KALRN: variants seen among roughly 807,000 people sequenced by gnomAD.
KALRN encodes kalirin RhoGEF kinase, also known as kalirin.
A neutral mutation model predicts 353.7 loss-of-function variants in KALRN; 70 were observed. That is an observed-to-expected ratio of 0.20 (90% confidence interval 0.16 to 0.24). KALRN has a LOEUF of 0.24. Among genes scored for constraint, KALRN ranks in the 10% least tolerant of loss-of-function variants. The pLI, the probability that KALRN is intolerant of heterozygous loss-of-function variation, is 1.00. For synonymous variants in KALRN, 1,391 were observed against 1,434.8 expected, an observed-to-expected ratio of 0.97 and a Z score of 0.69; for missense variants, 2,791 against 3,756.7, an observed-to-expected ratio of 0.74 and a Z score of 6.72.
intron 14 of KALRN, among the ~76,000 whole-genome samples, chr3:124,416,475 C>T (rs1055352616): frequency 2.6e-5 from 4 of 152,264 alleles, no homozygotes; most frequent in African/African-American, 9.6e-5. Flanking sequence ...TCTTCAGTGC[C>T]TCTTACTGAG....
chr3:124,683,762 T>C (rs1479712489), intron 51 of KALRN, among the ~76,000 whole-genome samples: 3 of 152,136 alleles, frequency 2.0e-5, no homozygotes, highest in Non-Finnish European at 2.9e-5. Context: ...ACCAGATATT[T>C]AGCTTGGGGA....
At chr3:124,501,890 A>G (rs1489471249) in intron 33 of KALRN, among the ~76,000 whole-genome samples, 2 of 152,256 alleles carry the variant, frequency 1.3e-5, no homozygotes, top group East Asian at 1.9e-4. Context: ...ATTCTGGTAC[A>G]TAGAAAACCA....
At chr3:124,182,145 TAG>T (rs1159920598) in intron 1 of KALRN, among the ~76,000 whole-genome samples, 1 of 152,196 alleles carries the variant, frequency 6.6e-6, no homozygotes, top group African/African-American at 2.4e-5. Flanking sequence ...ATTTGGAGGT[TAG>T]AGAGAGGACT....
chr3:124,238,590 C>G (rs1170805936), intron 3 of KALRN, among the ~76,000 whole-genome samples: 3 of 152,176 alleles, frequency 2.0e-5, no homozygotes, highest in Non-Finnish European at 2.9e-5. Flanking sequence ...GTATTACCAC[C>G]CCCACCAATA....
At chr3:124,040,731 A>G (rs1250547516) in intron 1 of KALRN, among the ~76,000 whole-genome samples, 1 of 152,164 alleles carries the variant, frequency 6.6e-6, no homozygotes, top group Non-Finnish European at 1.5e-5. Flanking sequence ...GAGAGTATTA[A>G]GTAGGAAAAA....
rs187806001 is a variant in KALRN, at chr3:124,678,330, G to T, written c.7317+17G>T. On this transcript the variant is annotated intron_variant, in intron 50 of 59. Coordinates refer to ENST00000682506, the MANE Select transcript of KALRN (RefSeq NM_001388419.1). The stretch of plus-strand genomic sequence containing the variant: ...TCTGTTAAAGTGAGTAAGGTATTCC[G>T]GAGCTGCGTCCCCACCTGTCATCCA... The T allele has an allele frequency of 1.6e-5, 26 of 1,612,274 alleles. No individual in the cohort carries two copies. The highest frequency in any genetic ancestry group is 1.3e-4 in the African/African-American group (10 of 74,846).
chr3:124,530,747 C>T (rs1577754155), intron 33 of KALRN, among the ~76,000 whole-genome samples: 1 of 152,208 alleles, frequency 6.6e-6, no homozygotes, highest in East Asian at 1.9e-4. Flanking sequence ...GCTATAATTG[C>T]ATTCAGTTTG....
intron 34 of KALRN, among the ~76,000 whole-genome samples, chr3:124,611,332 T>G (rs2077943709): frequency 6.6e-6 from 1 of 152,136 alleles, no homozygotes. Flanking sequence ...CAGAAAGAAT[T>G]AAGTTGAGAT....
At chr3:124,590,257 G>T (rs563746957) in intron 34 of KALRN, among the ~76,000 whole-genome samples, 13 of 152,278 alleles carry the variant, frequency 8.5e-5, no homozygotes, top group African/African-American at 2.9e-4. Flanking sequence ...TGGTAGAAAT[G>T]GGGGTGTATG....
chr3:124,241,399 C>T (rs16835220), intron 3 of KALRN, among the ~76,000 whole-genome samples: 18,981 of 152,056 alleles, frequency 0.12, 1,879 homozygotes, highest in African/African-American at 0.27. Context: ...AAGGTTTTGA[C>T]TCTGAGAACT....
At chr3:124,340,404 T>A (rs58377789) in intron 9 of KALRN, among the ~76,000 whole-genome samples, 40,563 of 151,798 alleles carry the variant, frequency 0.27, 5,939 homozygotes, top group Middle Eastern at 0.34. Context: ...GTGCCTGTGG[T>A]CCTAGCTATT....
intron 6 of KALRN, among the ~76,000 whole-genome samples, chr3:124,317,533 C>T (rs1051345287): frequency 2.0e-5 from 3 of 152,190 alleles, no homozygotes; most frequent in Admixed American, 1.3e-4. Flanking sequence ...TTCGGGGAAG[C>T]TCCTCAGCTC....
intron 3 of KALRN, among the ~76,000 whole-genome samples, chr3:124,241,112 C>T (rs1241509216): frequency 6.6e-6 from 1 of 152,160 alleles, no homozygotes; most frequent in Non-Finnish European, 1.5e-5. Context: ...CACCTCTATC[C>T]TCAATGCTAC....
At chr3:124,300,878 G>A (rs1395099250) in intron 6 of KALRN, among the ~76,000 whole-genome samples, 1 of 152,154 alleles carries the variant, frequency 6.6e-6, no homozygotes, top group African/African-American at 2.4e-5. Context: ...CTTCCCACTG[G>A]TCTCCTGTAG....
At position 124,415,753 on chromosome 3, in the gene KALRN, C is replaced by T. The variant is rs144386758; in HGVS notation, c.2542+2088C>T. 2.5e-4 allele frequency among the ~76,000 whole-genome samples: 38 copies of T among 152,304 alleles called. No homozygotes were observed. In the East Asian group the frequency reaches 7.1e-3, roughly 29 times the overall value. ...AATTAGCCCTCCAGGTGATTTTGTG[C>T]ACCACTGACCCAACATGTTGCTACT... On this transcript the variant is annotated intron_variant, in intron 14 of 59. Transcript: ENST00000682506.
At chr3:124,584,560 C>T (rs375817335) in intron 34 of KALRN, 17 of 1,253,902 alleles carry the variant, frequency 1.4e-5, no homozygotes, top group East Asian at 9.4e-5. Context: ...GAGGCTCCGG[C>T]CGCTGCTGGC....
At chr3:124,525,359 A>G (rs2109063538) in intron 33 of KALRN, among the ~76,000 whole-genome samples, 1 of 152,324 alleles carries the variant, frequency 6.6e-6, no homozygotes, top group Middle Eastern at 3.4e-3. Context: ...ATTAATGGTG[A>G]CCTTCTAATC....
chr3:124,413,637 C>T lies in KALRN; in HGVS notation c.2514C>T (p.His838=), dbSNP rs752164062. 1.4e-5 allele frequency: 23 copies of T among 1,613,956 alleles called. No homozygotes were observed. The highest frequency in any genetic ancestry group is 2.2e-5 in the South Asian group (2 of 91,058). Reference sequence around the variant, plus strand: ...TTATCCAGCAGGGACAGGATCTGCACCAGTACATCACGGAGGTCCAGGCAT... The same window carrying T: ...TTATCCAGCAGGGACAGGATCTGCATCAGTACATCACGGAGGTCCAGGCAT... The part of the protein sequence containing the change: ...FEVIQQGQDL[H]QYITEVQASG... Residue 838 remains histidine (H), a synonymous_variant, in exon 14 of 60, where the codon CAC becomes CAT. Transcript: ENST00000682506.
Position 124,632,628 on chromosome 3 carries a change from T to C in KALRN, c.5391T>C (p.Asp1797=), listed in dbSNP as rs754685882. 1 of 1,614,136 alleles carries C rather than the reference T, an allele frequency of 6.2e-7. No individual in the cohort carries two copies. The change falls in exon 35 of 60, where the codon GAT becomes GAC. Residue 1797 remains aspartate (D), a synonymous_variant. Coordinates refer to ENST00000682506, the MANE Select transcript of KALRN (RefSeq NM_001388419.1). The part of the protein sequence containing the change: ...GNIKKQKKVR[D]GRKSFDLGSP... Reference sequence around the variant, plus strand: ...TCAAAAAGCAGAAGAAAGTTCGCGATGGTCGGAAGAGCTTTGACCTGGGAT... The same window carrying C: ...TCAAAAAGCAGAAGAAAGTTCGCGACGGTCGGAAGAGCTTTGACCTGGGAT...
Sources: allele counts gnomAD v4.1 joint callset (sites outside exome capture counted in the v4.1 genomes callset), GRCh38; gene constraint gnomAD v4.1.1; transcripts MANE v1.5; gene names NCBI Gene and HGNC (gene_info 2026-07-23, HGNC 2026-07-21).